The following APC variants were observed in gnomAD, a reference collection of about 807,000 sequenced individuals.
APC encodes the protein APC regulator of Wnt signaling pathway, also known as adenomatous polyposis coli protein.
Under a neutral mutation model 247.0 loss-of-function variants are expected in APC, and 72 were observed. The ratio of observed to expected loss-of-function variants is 0.29; its 90% confidence interval spans 0.24 to 0.35. The LOEUF is 0.35. APC is among the 10% of genes least tolerant of loss of function. The pLI, the probability that APC is intolerant of heterozygous loss-of-function variation, is 1.00. For missense variants in APC, 3,400 were observed against 3,360.7 expected (o/e 1.01, Z -0.29); for synonymous variants, 1,254 against 1,162.5 (o/e 1.08, Z -1.60).
intron 1 of APC, among the ~76,000 whole-genome samples, chr5:112,731,732 A>G (rs146631885): frequency 1.5e-3 from 236 of 152,292 alleles, no homozygotes; most frequent in African/African-American, 5.1e-3. Flanking sequence ...ATCATTTGAT[A>G]TACTAAAACA....
chr5:112,822,017 CAT>C lies in APC; in HGVS notation c.1408+28_1408+29del, dbSNP rs776140429. 7 of 1,413,940 alleles carry C rather than the reference CAT, an allele frequency of 5.0e-6. No homozygotes were observed. Among genetic ancestry groups the C allele is most frequent in the Non-Finnish European group, 7.0e-6 (7 of 1,001,696 alleles). The allele number at this position is 1,413,940 out of a possible 1,614,324, so 87.6% of individuals were successfully genotyped here. ...GTAAGACAAAAATGTTTTTTAATGA[CAT>C]AGACAATTACTGGTGGATTTTTAAA... On this transcript the variant is annotated intron_variant, in intron 11 of 15. Coordinates refer to ENST00000257430, the MANE Select transcript of APC (RefSeq NM_000038.6).
upstream of APC, among the ~76,000 whole-genome samples, chr5:112,737,610 GT>G (rs1205908396): frequency 1.3e-5 from 2 of 152,246 alleles, no homozygotes; most frequent in African/African-American, 4.8e-5. Flanking sequence ...TACTATGCGT[GT>G]CAACTGCCAT....
chr5:112,750,615 A>G (rs547471297), intron 1 of APC, among the ~76,000 whole-genome samples: 2 of 152,288 alleles, frequency 1.3e-5, no homozygotes, highest in East Asian at 3.9e-4. Flanking sequence ...TTTATAGCAA[A>G]TAGAAACTTT....
intron 7 of APC, 87 bp downstream of exon 7, chr5:112,792,616 A>G (rs1252721581): frequency 2.2e-6 from 2 of 924,250 alleles, no homozygotes; most frequent in Non-Finnish European, 3.5e-6. Flanking sequence ...ATGTGACACC[A>G]TTGAAATATA....
chr5:112,736,206 AAG>A (rs1338355670), upstream of APC, among the ~76,000 whole-genome samples: 4 of 152,240 alleles, frequency 2.6e-5, no homozygotes, highest in East Asian at 1.9e-4. Context: ...TCATTCTCAA[AAG>A]AGAGTTATTT....
rs141389308 is a variant in APC, at chr5:112,739,492, C to G, written c.-19+1567C>G. On this transcript the variant is annotated intron_variant, in intron 1 of 15. Transcript: ENST00000257430. ...TAAATAAGACTACATAAGTTTTTCACTGATAAATTTAAATAGTTCTTTAAA... is the reference window on the plus strand; with the variant it reads ...TAAATAAGACTACATAAGTTTTTCAGTGATAAATTTAAATAGTTCTTTAAA... Among the ~76,000 whole-genome samples, 1,101 of 152,300 alleles carry G rather than the reference C, an allele frequency of 7.2e-3. 15 individuals are homozygous for G. The highest frequency in any genetic ancestry group is 0.025 in the African/African-American group (1,047 of 41,556).
chr5:112,820,034 G>T (rs1762957057), intron 10 of APC, among the ~76,000 whole-genome samples: 1 of 152,122 alleles, frequency 6.6e-6, no homozygotes, highest in Non-Finnish European at 1.5e-5. Context: ...TCTTCACTCA[G>T]GAAGGGACCC....
rs200468360 is a variant in APC at position 112,842,445 on chromosome 5, C to A, written c.6851C>A (p.Pro2284His). ...AKPSVKSELS[P>H]VARQTSQIGG... ...CCATCTGTGAAATCAGAATTAAGCCCTGTTGCCAGGCAGACATCCCAAATA... is the reference window on the plus strand; with the variant it reads ...CCATCTGTGAAATCAGAATTAAGCCATGTTGCCAGGCAGACATCCCAAATA... The change falls in exon 16 of 16, where the codon CCT (proline) becomes CAT (histidine). Residue 2284 changes from proline to histidine, a missense_variant. This residue lies in a region of APC where 1,788 missense variants were observed against 1,649.5 expected (regional missense o/e 1.08). Coordinates refer to ENST00000257430, the MANE Select transcript of APC (RefSeq NM_000038.6). 3.7e-6 allele frequency: 6 copies of A among 1,613,984 alleles called. No homozygotes were observed. The South Asian group carries it at 5.5e-5, about 15-fold the overall frequency.
At chr5:112,722,529 G>T (rs1464786017) in intron 1 of APC, among the ~76,000 whole-genome samples, 1 of 152,004 alleles carries the variant, frequency 6.6e-6, no homozygotes, top group Non-Finnish European at 1.5e-5. Context: ...GATCCCACAG[G>T]TTGAGGGCTC....
At chr5:112,812,448 GT>G (rs1391880994) in intron 8 of APC, among the ~76,000 whole-genome samples, 5 of 152,072 alleles carry the variant, frequency 3.3e-5, no homozygotes, top group Non-Finnish European at 1.5e-5. Context: ...AGCTCCTTAT[GT>G]TCAGATTTAT....
In APC at chr5:112,840,237, A is replaced by G. The variant is rs769923112; in HGVS notation, c.4643A>G (p.Asn1548Ser). 6.2e-7 allele frequency: 1 copy of G among 1,614,142 alleles called. No individual in the cohort carries two copies. The highest frequency in any genetic ancestry group is 1.1e-5 in the South Asian group (1 of 91,082). The stretch of plus-strand genomic sequence containing the variant: ...GAGCAGCCTAAAGAATCAAATGAAA[A>G]CCAAGAGAAAGAGGCAGAAAAAACT... ...ESEQPKESNE[N>S]QEKEAEKTID... Residue 1548 changes from asparagine to serine, a missense_variant, in exon 16 of 16, where the codon AAC (asparagine) becomes AGC (serine). Asn to Ser is a conservative substitution (Grantham distance 46). Coordinates refer to ENST00000257430, the MANE Select transcript of APC (RefSeq NM_000038.6). The surrounding 1 kb of genome is among the most constrained non-coding windows in gnomAD (Gnocchi z 4.1).
intron 1 of APC, among the ~76,000 whole-genome samples, chr5:112,709,022 AC>A (rs1239561200): frequency 6.6e-6 from 1 of 152,226 alleles, no homozygotes; most frequent in Non-Finnish European, 1.5e-5. Flanking sequence ...GGGTTGGATA[AC>A]GTGTCAAGAG....
chr5:112,796,618 A>T (rs1289325444), intron 7 of APC, among the ~76,000 whole-genome samples: 1 of 151,992 alleles, frequency 6.6e-6, no homozygotes, highest in African/African-American at 2.4e-5. Context: ...GGAAAGGGCC[A>T]GGAAAAAAAG....
chr5:112,712,559 C>CT (rs1044831987), intron 1 of APC, among the ~76,000 whole-genome samples: 9,744 of 140,742 alleles, frequency 0.069, 362 homozygotes, highest in Middle Eastern at 0.14. Context: ...ACACCCAGCC[C>CT]TTTTTTTTTT....
chr5:112,775,833 A>G (rs1173626210), intron 5 of APC, 96 bp downstream of exon 5: 7 of 700,788 alleles, frequency 1.0e-5, no homozygotes, highest in Non-Finnish European at 1.5e-5. Flanking sequence ...AACTGAATTT[A>G]TAGTTATTTG....
At chr5:112,778,051 A>G (rs776538463) in intron 5 of APC, 1 of 207,014 alleles carries the variant, frequency 4.8e-6, no homozygotes, top group Non-Finnish European at 1.0e-5. Flanking sequence ...TTAAGGAAAT[A>G]TCCCACTTTC....
chr5:112,807,350 GTACCCTTTAT>G (rs1761524945), intron 8 of APC, among the ~76,000 whole-genome samples: 1 of 151,970 alleles, frequency 6.6e-6, no homozygotes, highest in Admixed American at 6.6e-5. Context: ...AGTTTTTCCA[GTACCCTTTAT>G]TCTTTTTATA....
intron 8 of APC, among the ~76,000 whole-genome samples, chr5:112,811,975 A>G (rs555580554): frequency 1.3e-5 from 2 of 152,240 alleles, no homozygotes; most frequent in African/African-American, 4.8e-5. Context: ...AAGGCCTCAG[A>G]TCCTCATTGG....
At chr5:112,722,944 C>T (rs1277833759) in intron 1 of APC, among the ~76,000 whole-genome samples, 1 of 152,074 alleles carries the variant, frequency 6.6e-6, no homozygotes, top group East Asian at 1.9e-4. Flanking sequence ...GATCTAAGCC[C>T]AGCAAGGCCT....
Sources: gnomAD v4.1 joint callset for allele counts (sites outside exome capture counted in the v4.1 genomes callset) on GRCh38, gnomAD v4.1.1 for gene constraint, gnomAD v4.1.1 regional missense constraint, Gnocchi (gnomAD v3.1) non-coding constraint, MANE v1.5 for transcripts, NCBI Gene and HGNC (gene_info 2026-07-23, HGNC 2026-07-21) for gene names.